Variants in CUEDC1 observed in about 807,000 individuals in gnomAD.
CUEDC1 encodes CUE domain-containing protein 1.
CUEDC1 carries 30 observed loss-of-function variants against 43.7 expected under a neutral mutation model. That is an observed-to-expected ratio of 0.69 (90% CI 0.51 to 0.93). CUEDC1 has a LOEUF of 0.93. Ranked by LOEUF, CUEDC1 falls within the 40% of genes least tolerant of loss-of-function variation. The probability of loss-of-function intolerance (pLI) is 0.00; values close to 1 mark genes in which losing one functional copy is unlikely to be tolerated. For missense variants in CUEDC1, 486 were observed against 549.0 expected (o/e 0.89, Z 1.15); for synonymous variants, 223 against 223.6 (o/e 1.00, Z 0.02).
chr17:57,879,518 C>G, intron 3 of CUEDC1, 93 bp downstream of exon 3: 1 of 1,442,214 alleles, frequency 6.9e-7, no homozygotes, highest in Non-Finnish European at 9.1e-7. Context: ...ATATACTGAG[C>G]AGTCCAGCCA....
chr17:57,936,714 G>A (rs1319194899), intron 1 of CUEDC1, among the ~76,000 whole-genome samples: 1 of 152,000 alleles, frequency 6.6e-6, no homozygotes, highest in African/African-American at 2.4e-5. Flanking sequence ...TCTGTCAGCA[G>A]CTCCACTCTC....
intron 1 of CUEDC1, among the ~76,000 whole-genome samples, chr17:57,938,015 T>C (rs2074878813): frequency 6.6e-6 from 1 of 152,176 alleles, no homozygotes; most frequent in African/African-American, 2.4e-5. Flanking sequence ...ATAATCTGCC[T>C]AAGTCACACA....
chr17:57,952,804 G>C (rs1309628706), intron 1 of CUEDC1, among the ~76,000 whole-genome samples: 1 of 152,174 alleles, frequency 6.6e-6, no homozygotes, highest in Non-Finnish European at 1.5e-5. Context: ...CTCTGTGGGG[G>C]ACTTGAGCCT....
Position 57,867,296 on chromosome 17 carries a change from C to T in CUEDC1, c.1093+61G>A, listed in dbSNP as rs186371343. ...GGTGCTCCCATGAAACACCCAGGAA[C>T]TCCGCTGGGAGATCACCGATCATAG... On this transcript the variant is annotated intron_variant, in intron 9 of 10. Coordinates refer to ENST00000577830, the MANE Select transcript of CUEDC1 (RefSeq NM_001271875.2). The T allele has an allele frequency of 2.9e-5, 43 of 1,496,590 alleles. No homozygotes were observed. In the East Asian group the frequency reaches 9.6e-4, roughly 33 times the overall value. The allele number at this position is 1,496,590 out of a possible 1,614,324, so 92.7% of individuals were successfully genotyped here.
rs1279707731 is a variant in CUEDC1, at chr17:57,862,754, CAGG to C, written c.*532_*534del. ...GCAGCCCCGGGGGAAGGCTGAGATA[CAGG>C]AGGACATGGAAGGGAAGGGCACAAG... On this transcript the variant is annotated 3_prime_UTR_variant, in exon 11 of 11. Coordinates refer to ENST00000577830, the MANE Select transcript of CUEDC1 (RefSeq NM_001271875.2). 6.6e-6 allele frequency: 1 copy of C among 152,662 alleles called. No homozygotes were observed. The highest frequency in any genetic ancestry group is 1.9e-4 in the East Asian group (1 of 5,188). 9.5% of individuals were successfully genotyped at this position (152,662 alleles called of 1,614,324 possible). A position where few individuals can be genotyped will look rare whatever the true frequency, so the allele number is the denominator to read the frequency against.
chr17:57,885,353 C>G lies in CUEDC1; in HGVS notation c.212G>C (p.Arg71Pro), dbSNP rs1568036019. The change falls in exon 2 of 11, where the codon CGC becomes CCC. Residue 71 changes from arginine (R) to proline (P), a missense_variant. Coordinates refer to ENST00000577830, the MANE Select transcript of CUEDC1 (RefSeq NM_001271875.2). ...MDYDIIECVL[R>P]ANSGAVDATI... is the part of the protein sequence containing the mutation. ...GGCGTCCACAGCGCCGCTGTTGGCG[C>G]GCAGCACGCATTCGATGATGTCGTA... 1 of 1,612,200 alleles carries G rather than the reference C, an allele frequency of 6.2e-7. No individual in the cohort carries two copies.
At chr17:57,949,403 C>T (rs1437716633) in intron 1 of CUEDC1, among the ~76,000 whole-genome samples, 2 of 152,044 alleles carry the variant, frequency 1.3e-5, no homozygotes, top group African/African-American at 4.8e-5. Context: ...GCCAGTGGTT[C>T]TCAGCAGACT....
At chr17:57,881,215 C>T (rs1347019941) in intron 2 of CUEDC1, among the ~76,000 whole-genome samples, 1 of 152,256 alleles carries the variant, frequency 6.6e-6, no homozygotes, top group Non-Finnish European at 1.5e-5. Flanking sequence ...TGCACACGTG[C>T]ACTCTGCAGT....
chr17:57,924,184 C>T (rs1567719097), intron 1 of CUEDC1, among the ~76,000 whole-genome samples: 1 of 152,180 alleles, frequency 6.6e-6, no homozygotes, highest in Non-Finnish European at 1.5e-5. Context: ...CAGCTCACTG[C>T]AACCTCCGCC....
intron 1 of CUEDC1, among the ~76,000 whole-genome samples, chr17:57,891,797 A>G (rs1427121124): frequency 6.6e-6 from 1 of 151,902 alleles, no homozygotes; most frequent in African/African-American, 2.4e-5. Flanking sequence ...CTCAACCATC[A>G]CCTTGAGGGG....
chr17:57,883,737 AC>A (rs2074247526), intron 2 of CUEDC1, among the ~76,000 whole-genome samples: 1 of 152,162 alleles, frequency 6.6e-6, no homozygotes, highest in African/African-American at 2.4e-5. Context: ...AAACAAAAAA[AC>A]AAACAAAAAA....
At chr17:57,867,743 T>C (rs746183635) in intron 8 of CUEDC1, 7 of 485,838 alleles carry the variant, frequency 1.4e-5, no homozygotes, top group Non-Finnish European at 2.6e-5. Context: ...GAAAGCCGTA[T>C]TTCTACTCGA....
At chr17:57,911,504 T>C (rs961854362) in intron 1 of CUEDC1, among the ~76,000 whole-genome samples, 13 of 152,150 alleles carry the variant, frequency 8.5e-5, no homozygotes, top group African/African-American at 3.1e-4. Flanking sequence ...CTTTTTTCTT[T>C]TTTCTTTTCT....
intron 10 of CUEDC1, 31 bp from the exon 11 acceptor site, chr17:57,863,316 C>A (rs2073908222): frequency 6.6e-6 from 1 of 152,518 alleles, no homozygotes; most frequent in African/African-American, 2.4e-5. Context: ...TGGGAGGAAT[C>A]TTTTTCAAAG....
rs994730578 is a variant in CUEDC1, at chr17:57,930,011, C to T, written c.-316+25214G>A. ...AGAGACAGGGTTTCACCATGTTTGT[C>T]GGGCTGGTATCGAACTCCTGCCCTC... On this transcript the variant is annotated intron_variant, in intron 1 of 10. Coordinates refer to ENST00000577830, the MANE Select transcript of CUEDC1 (RefSeq NM_001271875.2). This position sits in a 1 kb window ranked among gnomAD's most constrained non-coding sequence, Gnocchi z 4.2. 9.2e-5 allele frequency among the ~76,000 whole-genome samples: 14 copies of T among 152,272 alleles called. No individual in the cohort carries two copies. In the East Asian group the frequency reaches 1.7e-3, roughly 19 times the overall value.
rs376218804 is a variant in CUEDC1 at position 57,939,970 on chromosome 17, A to G, written c.-316+15255T>C. Among the ~76,000 whole-genome samples, 35 of 150,346 alleles carry G rather than the reference A, an allele frequency of 2.3e-4. No homozygotes were observed. The South Asian group carries it at 7.5e-3, about 32-fold the overall frequency. ...ACCCCCGGCACTTGGGAGACCAGGCACTTCCTCCTTTGAGTCTTCAATTCC... is the reference window on the plus strand; with the variant it reads ...ACCCCCGGCACTTGGGAGACCAGGCGCTTCCTCCTTTGAGTCTTCAATTCC... On this transcript the variant is annotated intron_variant, in intron 1 of 10. Coordinates refer to ENST00000577830, the MANE Select transcript of CUEDC1 (RefSeq NM_001271875.2).
At position 57,954,965 on chromosome 17, in the gene CUEDC1, G is replaced by C. The variant is rs978106991; in HGVS notation, c.-316+260C>G. Among the ~76,000 whole-genome samples the C allele has an allele frequency of 2.0e-5, 3 of 151,600 alleles. No homozygotes were observed. Among genetic ancestry groups the C allele is most frequent in the African/African-American group, 7.3e-5 (3 of 41,366 alleles). ...CCCCCCAGATGCCCGCACGCCCCCCGCGCCCGGGGCCCGGGATGAGGTGGG... is the reference window on the plus strand; with the variant it reads ...CCCCCCAGATGCCCGCACGCCCCCCCCGCCCGGGGCCCGGGATGAGGTGGG... On this transcript the variant is annotated intron_variant, in intron 1 of 10. Coordinates refer to ENST00000577830, the MANE Select transcript of CUEDC1 (RefSeq NM_001271875.2). This position sits in a 1 kb window ranked among gnomAD's most constrained non-coding sequence, Gnocchi z 4.3.
rs897043286 is a variant in CUEDC1, at chr17:57,955,039, G to T, written c.-316+186C>A. Among the ~76,000 whole-genome samples, 1 of 151,102 alleles carries T rather than the reference G, an allele frequency of 6.6e-6. No individual in the cohort carries two copies. The highest frequency in any genetic ancestry group is 1.5e-5 in the Non-Finnish European group (1 of 67,604). ...GGGACCTGCCGCACGCGGAGCTCCC[G>T]GGGAGCCGCGCCGACAGCCCCGGGA... On this transcript the variant is annotated intron_variant, in intron 1 of 10. Transcript: ENST00000577830. The surrounding 1 kb of genome is among the most constrained non-coding windows in gnomAD (Gnocchi z 5.3).
At chr17:57,894,255 C>T (rs2074386489) in intron 1 of CUEDC1, among the ~76,000 whole-genome samples, 1 of 152,228 alleles carries the variant, frequency 6.6e-6, no homozygotes, top group Non-Finnish European at 1.5e-5. Flanking sequence ...CCCCTGCCTT[C>T]CAAAGGCTAC....
Sources: allele counts gnomAD v4.1 joint callset (sites outside exome capture counted in the v4.1 genomes callset), GRCh38; gene constraint gnomAD v4.1.1; non-coding constraint Gnocchi (gnomAD v3.1); transcripts MANE v1.5; gene names NCBI Gene and HGNC (gene_info 2026-07-23, HGNC 2026-07-21).